The following CCDC81 variants were observed in gnomAD, a reference collection of about 807,000 sequenced individuals.
CCDC81 encodes coiled-coil domain containing 81.
CCDC81 carries 79 observed loss-of-function variants against 83.7 expected under a neutral mutation model. The observed-to-expected ratio is 0.94, with a 90% CI of 0.79 to 1.14. The LOEUF (loss-of-function observed/expected upper bound fraction) is 1.14. Among genes scored for constraint, CCDC81 ranks in the 50% most tolerant of loss-of-function variants. The probability of loss-of-function intolerance (pLI) is 0.00; values close to 1 mark genes in which losing one functional copy is unlikely to be tolerated. For missense variants in CCDC81, 791 were observed against 778.1 expected, an observed-to-expected ratio of 1.02 and a Z score of -0.20; for synonymous variants, 252 against 278.1, an observed-to-expected ratio of 0.91 and a Z score of 0.93.
At chr11:86,404,280 C>A (rs917324361) in intron 7 of CCDC81, among the ~76,000 whole-genome samples, 33 of 152,122 alleles carry the variant, frequency 2.2e-4, no homozygotes, top group Admixed American at 1.6e-3. Flanking sequence ...TCTAAATAAT[C>A]TGAAAAGGTC....
Position 86,417,420 on chromosome 11 carries a change from T to C in CCDC81, c.1691+2107T>C, listed in dbSNP as rs1229766. ...TTTTCCTTTTTAAGCAATATGCACA[T>C]ATATTTTTCCTTCTACTTTTGTAAA... is the stretch of plus-strand genomic sequence containing the variant. On this transcript the variant is annotated intron_variant, in intron 13 of 14. Coordinates refer to ENST00000445632, the MANE Select transcript of CCDC81 (RefSeq NM_001156474.2). 9.4e-3 allele frequency among the ~76,000 whole-genome samples: 1,428 copies of C among 152,122 alleles called. 76 individuals are homozygous for C. Among genetic ancestry groups the C allele is most frequent in the Admixed American group, 0.086 (1,312 of 15,278 alleles).
In CCDC81 at chr11:86,395,204, T is replaced by TA; in HGVS notation, c.556-129dup. 4 of 632,338 alleles carry TA rather than the reference T, an allele frequency of 6.3e-6. No homozygotes were observed. In the South Asian group the frequency reaches 8.7e-5, roughly 14 times the overall value. 39.2% of individuals were successfully genotyped at this position (632,338 alleles called of 1,614,324 possible). Reference sequence around the variant, plus strand: ...TCATTGGATTTTTAAGCTCTGGACTTATAAGCGCTTAACATAAACAACAAC... The same window carrying TA: ...TCATTGGATTTTTAAGCTCTGGACTTAATAAGCGCTTAACATAAACAACAAC... On this transcript the variant is annotated intron_variant, in intron 4 of 14. Transcript: ENST00000445632.
At chr11:86,398,453 C>A (rs1451367216) in intron 6 of CCDC81, among the ~76,000 whole-genome samples, 2 of 151,980 alleles carry the variant, frequency 1.3e-5, no homozygotes, top group African/African-American at 4.8e-5. Context: ...GATTCTCATA[C>A]CTATGTCTGC....
chr11:86,418,731 G>C (rs1948752237), intron 13 of CCDC81, among the ~76,000 whole-genome samples: 1 of 152,192 alleles, frequency 6.6e-6, no homozygotes, highest in South Asian at 2.1e-4. Flanking sequence ...GCAGAAATGG[G>C]GAGTTGTTTA....
chr11:86,379,339 G>A lies in CCDC81; in HGVS notation c.79+4097G>A, dbSNP rs1308025880. 3.9e-5 allele frequency among the ~76,000 whole-genome samples: 6 copies of A among 151,920 alleles called. No individual in the cohort carries two copies. The East Asian group carries it at 5.8e-4, about 15-fold the overall frequency. On this transcript the variant is annotated intron_variant, in intron 1 of 14. Coordinates refer to ENST00000445632, the MANE Select transcript of CCDC81 (RefSeq NM_001156474.2). ...TCTTGATCTCCTGACCTTGTGATCC[G>A]CCTACCCCAGCCTCCCAAAGTGCTG...
intron 1 of CCDC81, among the ~76,000 whole-genome samples, chr11:86,381,152 C>T (rs915787207): frequency 6.6e-6 from 1 of 152,148 alleles, no homozygotes; most frequent in African/African-American, 2.4e-5. Flanking sequence ...GTGAACTTTA[C>T]AAATGTTTCT....
At chr11:86,409,487 C>T (rs913129046) in intron 10 of CCDC81, 122 bp downstream of exon 10, 5 of 472,124 alleles carry the variant, frequency 1.1e-5, no homozygotes, top group African/African-American at 1.0e-4. Context: ...GAGTCTTGCT[C>T]CGTCACCCAG....
chr11:86,407,770 CT>C lies in CCDC81; in HGVS notation c.969+70del, dbSNP rs1948582539. On this transcript the variant is annotated intron_variant, in intron 8 of 14. Coordinates refer to ENST00000445632, the MANE Select transcript of CCDC81 (RefSeq NM_001156474.2). ...TGATTTTTGTTTCTCAAAGAGAGTT[CT>C]GGGAATCTCTCTTCCTTAATTATAT... 5 of 1,148,740 alleles carry C rather than the reference CT, an allele frequency of 4.4e-6. No homozygotes were observed. In the East Asian group the frequency reaches 1.3e-4, roughly 29 times the overall value. 71.2% of individuals were successfully genotyped at this position (1,148,740 alleles called of 1,614,324 possible). A position where few individuals can be genotyped will look rare whatever the true frequency, so the allele number is the denominator to read the frequency against.
At chr11:86,383,885 A>T (rs1279378256) in intron 1 of CCDC81, among the ~76,000 whole-genome samples, 1 of 152,222 alleles carries the variant, frequency 6.6e-6, no homozygotes, top group Non-Finnish European at 1.5e-5. Context: ...TTAGTTTAGA[A>T]TAATTAGTTC....
intron 7 of CCDC81, among the ~76,000 whole-genome samples, chr11:86,404,007 G>A (rs1224098735): frequency 6.6e-6 from 1 of 152,078 alleles, no homozygotes; most frequent in Non-Finnish European, 1.5e-5. Flanking sequence ...TGCAAATTTG[G>A]CTGGTGCTGA....
intron 13 of CCDC81, chr11:86,419,008 C>T (rs1344310032): frequency 6.6e-6 from 1 of 152,136 alleles, no homozygotes; most frequent in Non-Finnish European, 1.5e-5. Context: ...AATAACCATA[C>T]AATAGCTGTT....
chr11:86,415,155 T>C lies in CCDC81; in HGVS notation c.1533T>C (p.Gly511=). ...FEPDSSEPIF[G]KNEGELMVEK... is the part of the protein sequence containing the mutation. The stretch of plus-strand genomic sequence containing the variant: ...CAGACTCCTCTGAGCCCATCTTTGG[T>C]AAGAATGAGGGTGAACTGATGGTGG... The change falls in exon 13 of 15, where the codon GGT becomes GGC. Residue 511 remains glycine (G), a synonymous_variant. Transcript: ENST00000445632. The C allele has an allele frequency of 1.9e-6, 3 of 1,614,148 alleles. No individual in the cohort carries two copies. The highest frequency in any genetic ancestry group is 2.5e-6 in the Non-Finnish European group (3 of 1,180,026).
In CCDC81 at chr11:86,400,810, T is replaced by C. The variant is rs1948476186; in HGVS notation, c.881+9T>C. 3 of 1,584,054 alleles carry C rather than the reference T, an allele frequency of 1.9e-6. No homozygotes were observed. Among genetic ancestry groups the C allele is most frequent in the Non-Finnish European group, 2.6e-6 (3 of 1,159,786 alleles). ...ATTATGACCCCTGAAAGGTAATGCATTGACTTTTTTTTTTCTGTTGTACTT... is the reference window on the plus strand; with the variant it reads ...ATTATGACCCCTGAAAGGTAATGCACTGACTTTTTTTTTTCTGTTGTACTT... On this transcript the variant is annotated intron_variant, in intron 7 of 14. Transcript: ENST00000445632.
chr11:86,407,310 A>G (rs763872026), intron 7 of CCDC81, among the ~76,000 whole-genome samples: 9 of 152,182 alleles, frequency 5.9e-5, no homozygotes, highest in Non-Finnish European at 1.0e-4. Context: ...TAAGCACTCA[A>G]TACATTTCTG....
chr11:86,391,331 A>G (rs1174339403), intron 3 of CCDC81, among the ~76,000 whole-genome samples: 1 of 152,224 alleles, frequency 6.6e-6, no homozygotes, highest in Non-Finnish European at 1.5e-5. Context: ...AGTGGTGGAC[A>G]TTTGAAAGGA....
rs370868561 is a variant in CCDC81 at position 86,422,988 on chromosome 11, G to A, written c.*273G>A. 1 of 363,020 alleles carries A rather than the reference G, an allele frequency of 2.8e-6. No individual in the cohort carries two copies. The allele number at this position is 363,020 out of a possible 1,614,324, so 22.5% of individuals were successfully genotyped here. A position where few individuals can be genotyped will look rare whatever the true frequency, so the allele number is the denominator to read the frequency against. On this transcript the variant is annotated 3_prime_UTR_variant, in exon 15 of 15. Coordinates refer to ENST00000445632, the MANE Select transcript of CCDC81 (RefSeq NM_001156474.2). ...GCACAGGGGCTGGGAATGGGATCCA[G>A]CTTCATTATGGCTGCTGGGGTGCTG...
intron 7 of CCDC81, among the ~76,000 whole-genome samples, chr11:86,401,592 A>G (rs1402327240): frequency 1.3e-5 from 2 of 152,226 alleles, no homozygotes; most frequent in Non-Finnish European, 2.9e-5. Flanking sequence ...AATTTAATTC[A>G]ATACAACAAA....
intron 3 of CCDC81, 95 bp from the exon 4 acceptor site, chr11:86,392,446 T>C (rs556213760): frequency 1.0e-5 from 14 of 1,375,480 alleles, no homozygotes; most frequent in Middle Eastern, 2.5e-4. Context: ...TTTTAGGGCA[T>C]TGAGAATCAG....
intron 6 of CCDC81, among the ~76,000 whole-genome samples, chr11:86,398,097 A>C (rs1948435418): frequency 6.6e-6 from 1 of 152,176 alleles, no homozygotes. Context: ...GGCCATCCAA[A>C]GTGCTGGGAT....
Sources: gnomAD v4.1 joint callset for allele counts (sites outside exome capture counted in the v4.1 genomes callset) on GRCh38, gnomAD v4.1.1 for gene constraint, MANE v1.5 for transcripts, NCBI Gene and HGNC (gene_info 2026-07-23, HGNC 2026-07-21) for gene names.